Variants in ZNF516 observed in about 807,000 individuals in gnomAD.
The protein encoded by ZNF516 is zinc finger protein 516.
Under a neutral mutation model 79.7 loss-of-function variants are expected in ZNF516, and 19 were observed. That is an observed-to-expected ratio of 0.24 (90% CI 0.17 to 0.35). The LOEUF (loss-of-function observed/expected upper bound fraction) is 0.35, where lower values mean the gene tolerates loss of function less well. ZNF516 is among the 10% of genes least tolerant of loss of function. ZNF516 has a pLI of 1.00. For missense variants in ZNF516, 1,678 were observed against 1,679.5 expected (o/e 1.00, Z 0.02); for synonymous variants, 877 against 739.5 (o/e 1.19, Z -3.02).
At chr18:76,484,420 C>T (rs1017100814) in intron 1 of ZNF516, among the ~76,000 whole-genome samples, 1 of 152,198 alleles carries the variant, frequency 6.6e-6, no homozygotes, top group East Asian at 1.9e-4. Flanking sequence ...AAAGCAAATG[C>T]TTTCCTTCAC....
At chr18:76,492,293 C>A (rs1915277565) in intron 1 of ZNF516, 1 of 985,362 alleles carries the variant, frequency 1.0e-6, no homozygotes, top group South Asian at 4.7e-5. Context: ...ACGCGAGCCA[C>A]ACACATCACT....
In ZNF516 at chr18:76,431,007, G is replaced by A. The variant is rs191163807; in HGVS notation, c.1810+10238C>T. Among the ~76,000 whole-genome samples, 215 of 152,276 alleles carry A rather than the reference G, an allele frequency of 1.4e-3. 1 individual carries two copies. The highest frequency in any genetic ancestry group is 2.6e-3 in the Non-Finnish European group (177 of 68,022). ...CTTACTTTCTAACCTTTAATCCAGA[G>A]ACAAATATCCCTAGCTTTTTAAAAT... On this transcript the variant is annotated intron_variant, in intron 3 of 6. Transcript: ENST00000443185.
chr18:76,447,239 C>T (rs1367927206), intron 2 of ZNF516, among the ~76,000 whole-genome samples: 1 of 152,234 alleles, frequency 6.6e-6, no homozygotes, highest in African/African-American at 2.4e-5. Flanking sequence ...GGGCGGCCGC[C>T]CCAATTAGGA....
At chr18:76,381,391 A>G (rs539947804) in intron 3 of ZNF516, among the ~76,000 whole-genome samples, 1 of 152,230 alleles carries the variant, frequency 6.6e-6, no homozygotes, top group African/African-American at 2.4e-5. Context: ...TTCACCACCC[A>G]GCCGCCATCT....
intron 3 of ZNF516, among the ~76,000 whole-genome samples, chr18:76,395,129 T>C (rs972788166): frequency 6.7e-6 from 1 of 149,744 alleles, no homozygotes; most frequent in Non-Finnish European, 1.5e-5. Context: ...GCATGCCATG[T>C]TTTTAGGTTG....
At chr18:76,399,238 C>G (rs2075186025) in intron 3 of ZNF516, among the ~76,000 whole-genome samples, 1 of 152,180 alleles carries the variant, frequency 6.6e-6, no homozygotes, top group African/African-American at 2.4e-5. Flanking sequence ...CTTAAAAGAT[C>G]ATCAGGACAA....
At chr18:76,425,912 G>C (rs1320299805) in intron 3 of ZNF516, among the ~76,000 whole-genome samples, 2 of 152,164 alleles carry the variant, frequency 1.3e-5, no homozygotes, top group African/African-American at 2.4e-5. Context: ...AGCTGACGTC[G>C]ACACCCAAGC....
In ZNF516 at chr18:76,379,292, G is replaced by A. The variant is rs777120802; in HGVS notation, c.2822C>T (p.Ala941Val). 3.7e-5 allele frequency: 60 copies of A among 1,609,602 alleles called. No individual in the cohort carries two copies. In the Middle Eastern group the frequency reaches 4.9e-4, roughly 13 times the overall value. The change falls in exon 4 of 7, where the codon GCG becomes GTG. Residue 941 changes from alanine (A) to valine (V), a missense_variant. By Grantham distance (64) the Ala-to-Val change is moderately conservative (BLOSUM62 0). This residue lies in a region of ZNF516 where 1,294 missense variants were observed against 1,248.3 expected (regional missense o/e 1.04). Coordinates refer to ENST00000443185, the MANE Select transcript of ZNF516 (RefSeq NM_014643.4). ...AGGCTTGCTATTGGCCGAGGGCTGC[G>A]CGCCAGCCCGGGCGATGACGGTGGG... ...PTPTVIARAG[A>V]QPSANSKPVE...
rs10658318 is a variant in ZNF516, at chr18:76,370,413, T to TAC, written c.3432+113_3432+114dup. On this transcript the variant is annotated intron_variant, in intron 6 of 6. Coordinates refer to ENST00000443185, the MANE Select transcript of ZNF516 (RefSeq NM_014643.4). ...CCAAGTCAAAGCATATAGGATTATT[T>TAC]ACACATCTAGTGAAAAAAACAAAAA... 8.4e-3 allele frequency: 8,491 copies of TAC among 1,016,524 alleles called. 479 individuals are homozygous for TAC. The African/African-American group carries it at 0.13, about 15-fold the overall frequency. 63.0% of individuals were successfully genotyped at this position (1,016,524 alleles called of 1,614,324 possible). A position where few individuals can be genotyped will look rare whatever the true frequency, so the allele number is the denominator to read the frequency against.
intron 2 of ZNF516, among the ~76,000 whole-genome samples, chr18:76,447,386 T>C (rs1912121155): frequency 1.3e-5 from 2 of 152,234 alleles, no homozygotes; most frequent in Non-Finnish European, 2.9e-5. Flanking sequence ...GTGCCTCACG[T>C]AGGAGCAGCG....
chr18:76,364,943 T>C (rs1341908580), intron 6 of ZNF516, among the ~76,000 whole-genome samples: 2 of 152,218 alleles, frequency 1.3e-5, no homozygotes, highest in Non-Finnish European at 2.9e-5. Flanking sequence ...AAATGGAAAA[T>C]GTGTTTTAAG....
rs1160124633 is a variant in ZNF516 at position 76,384,366 on chromosome 18, C to T, written c.1811-4063G>A. Among the ~76,000 whole-genome samples the T allele has an allele frequency of 5.1e-4, 68 of 133,872 alleles. 1 individual carries two copies. Among genetic ancestry groups the T allele is most frequent in the Non-Finnish European group, 3.9e-4 (24 of 62,294 alleles). The allele number at this position is 133,872 out of a possible 152,430, so 87.8% of individuals were successfully genotyped here. ...CTCCACGGCTCTCACGTCCCCTCCA[C>T]GGTTCCGACACCCCCACCACGGGCC... On this transcript the variant is annotated intron_variant, in intron 3 of 6. Transcript: ENST00000443185.
intron 3 of ZNF516, among the ~76,000 whole-genome samples, chr18:76,399,516 T>C (rs1832302998): frequency 6.6e-6 from 1 of 152,246 alleles, no homozygotes; most frequent in Non-Finnish European, 1.5e-5. Context: ...TACTCAAATG[T>C]AATGAGTTAG....
At chr18:76,485,661 T>C (rs1190678562) in intron 1 of ZNF516, among the ~76,000 whole-genome samples, 1 of 152,136 alleles carries the variant, frequency 6.6e-6, no homozygotes, top group African/African-American at 2.4e-5. Flanking sequence ...TGGGGTTCCA[T>C]ACTAATAAAT....
At chr18:76,387,435 T>C (rs73974459) in intron 3 of ZNF516, 13,872 of 152,294 alleles carry the variant, frequency 0.091, 1,578 homozygotes, top group African/African-American at 0.27. Flanking sequence ...CGCTCTGCCA[T>C]TGACCTGCTG....
At chr18:76,453,413 G>C (rs967112970) in intron 2 of ZNF516, among the ~76,000 whole-genome samples, 1 of 152,104 alleles carries the variant, frequency 6.6e-6, no homozygotes, top group Non-Finnish European at 1.5e-5. Context: ...CAGATCACTC[G>C]CTATTCATTA....
intron 3 of ZNF516, 80 bp downstream of exon 3, chr18:76,441,165 T>C (rs1599094742): frequency 2.0e-6 from 3 of 1,501,504 alleles, no homozygotes; most frequent in Non-Finnish European, 1.8e-6. Flanking sequence ...CGAGCCTACT[T>C]GAGTATACGT....
intron 6 of ZNF516, among the ~76,000 whole-genome samples, chr18:76,366,987 A>G (rs1189301056): frequency 1.3e-5 from 2 of 152,242 alleles, no homozygotes; most frequent in East Asian, 1.9e-4. Flanking sequence ...GCTATTAGAT[A>G]CAGTCTCTGC....
chr18:76,450,711 G>A (rs1009400780), intron 2 of ZNF516, among the ~76,000 whole-genome samples: 11 of 152,064 alleles, frequency 7.2e-5, no homozygotes, highest in African/African-American at 2.4e-4. Context: ...TCAGCAACGC[G>A]GTGCAGGTTT....
Sources: gnomAD v4.1 joint callset for allele counts (sites outside exome capture counted in the v4.1 genomes callset) on GRCh38, gnomAD v4.1.1 for gene constraint, gnomAD v4.1.1 regional missense constraint, MANE v1.5 for transcripts, NCBI Gene and HGNC (gene_info 2026-07-23, HGNC 2026-07-21) for gene names.